Variants in PDCL observed in about 807,000 individuals in gnomAD.
The protein encoded by PDCL is phosducin like.
In PDCL, 11 loss-of-function variants were observed where a neutral mutation model predicts 26.7. The observed-to-expected ratio is 0.41, with a 90% confidence interval of 0.26 to 0.68. PDCL has a LOEUF of 0.68. Ranked by LOEUF, PDCL falls within the 30% of genes least tolerant of loss-of-function variation. The pLI is 0.30. For synonymous variants in PDCL, 118 were observed against 134.9 expected (o/e 0.87, Z 0.87); for missense variants, 330 against 371.6 (o/e 0.89, Z 0.92).
Position 122,818,517 on chromosome 9 carries a change from T to G in PDCL, c.*1568A>C, listed in dbSNP as rs1588033847. 6.6e-6 allele frequency: 1 copy of G among 151,992 alleles called. No individual in the cohort carries two copies. Among genetic ancestry groups the G allele is most frequent in the Non-Finnish European group, 1.5e-5 (1 of 67,994 alleles). The allele number at this position is 151,992 out of a possible 1,614,324, so 9.4% of individuals were successfully genotyped here. A position where few individuals can be genotyped will look rare whatever the true frequency, so the allele number is the denominator to read the frequency against. On this transcript the variant is annotated 3_prime_UTR_variant, in exon 4 of 4. Coordinates refer to ENST00000259467, the MANE Select transcript of PDCL (RefSeq NM_005388.5). ...AGCTAGACTAACAATACTTCCCTGC[T>G]TCTAATAATTTTCAATACATTCCAC...
At chr9:122,825,890 C>G (rs1457020278) in intron 2 of PDCL, among the ~76,000 whole-genome samples, 1 of 152,104 alleles carries the variant, frequency 6.6e-6, no homozygotes, top group Non-Finnish European at 1.5e-5. Context: ...GACCCCATCT[C>G]TACAAAAAAT....
intron 2 of PDCL, among the ~76,000 whole-genome samples, chr9:122,825,078 C>G (rs1377341285): frequency 6.6e-6 from 1 of 152,066 alleles, no homozygotes; most frequent in Non-Finnish European, 1.5e-5. Flanking sequence ...CCCTACTGCA[C>G]CCTGCATCAA....
At chr9:122,821,423 C>A (rs1355522143) in intron 3 of PDCL, among the ~76,000 whole-genome samples, 1 of 152,072 alleles carries the variant, frequency 6.6e-6, no homozygotes, top group Non-Finnish European at 1.5e-5. Flanking sequence ...AACACACACA[C>A]ACACACAGAG....
intron 1 of PDCL, 46 bp from the exon 2 acceptor site, chr9:122,826,838 C>A: frequency 8.8e-6 from 14 of 1,585,990 alleles, no homozygotes; most frequent in Non-Finnish European, 1.2e-5. Flanking sequence ...TTGAGCCAGA[C>A]AGACATGAAT....
chr9:122,820,150 C>T lies in PDCL; in HGVS notation c.841G>A (p.Val281Met), dbSNP rs1829533518. The T allele has an allele frequency of 1.9e-6, 3 of 1,614,042 alleles. No homozygotes were observed. The highest frequency in any genetic ancestry group is 4.5e-5 in the East Asian group (2 of 44,900). Residue 281 changes from valine to methionine, a missense_variant, in exon 4 of 4, where the codon GTG becomes ATG. By Grantham distance (21) the Val-to-Met change is conservative. Transcript: ENST00000259467. ...FGLLPEKEVLVLTSVRNSATC... is the reference protein window; with the variant it reads ...FGLLPEKEVLMLTSVRNSATC... ...GCAGAGTTACGCACAGATGTCAGCA[C>T]CAAGACTTCCTTTTCTGGGAGTAAT...
chr9:122,823,770 A>ATTTT (rs5900545), intron 2 of PDCL, among the ~76,000 whole-genome samples: 26 of 137,242 alleles, frequency 1.9e-4, no homozygotes, highest in East Asian at 4.3e-4. Context: ...TATTATCTGA[A>ATTTT]TTTTTTTTTT....
At chr9:122,823,272 G>T in intron 2 of PDCL, 75 bp from the exon 3 acceptor site, 3 of 1,410,936 alleles carry the variant, frequency 2.1e-6, no homozygotes, top group Non-Finnish European at 3.0e-6. Flanking sequence ...CTGTAGGTAG[G>T]AGTTCACATC....
At chr9:122,821,929 C>CGTTG (rs1829559341) in intron 3 of PDCL, among the ~76,000 whole-genome samples, 1 of 152,032 alleles carries the variant, frequency 6.6e-6, no homozygotes, top group African/African-American at 2.4e-5. Flanking sequence ...GATCAGAACA[C>CGTTG]GTTGTTACTT....
Position 122,823,195 on chromosome 9 carries a change from G to A in PDCL, c.175C>T (p.Pro59Ser). The A allele has an allele frequency of 6.2e-7, 1 of 1,613,874 alleles. No individual in the cohort carries two copies. Among genetic ancestry groups the A allele is most frequent in the Non-Finnish European group, 8.5e-7 (1 of 1,179,992 alleles). ...AGEGISVNTG[P>S]KGVINDWRRF... is the part of the protein sequence containing the mutation. ...CGCCAGTCATTGATCACACCTTTTG[G>A]GCCTGAGTAGGGTGAACACGGATGT... The change falls in exon 3 of 4, where the codon CCA becomes TCA. Residue 59 changes from proline (P) to serine (S), a missense_variant and splice_region_variant. Physicochemically the swap from Pro to Ser is moderately conservative, Grantham distance 74. Coordinates refer to ENST00000259467, the MANE Select transcript of PDCL (RefSeq NM_005388.5).
chr9:122,821,917 T>G (rs368510300), intron 3 of PDCL, among the ~76,000 whole-genome samples: 56 of 152,222 alleles, frequency 3.7e-4, no homozygotes, highest in African/African-American at 1.3e-3. Flanking sequence ...GAGATCACAC[T>G]AGATCAGAAC....
rs1365768055 is a variant in PDCL at position 122,820,262 on chromosome 9, T to A, written c.729A>T (p.Glu243Asp). ...LPALLIYKGG[E>D]LIGNFVRVTD... ...TAACACGAACAAAATTGCCGATCAA[T>A]TCACCCCCCTTATAGATCAGCAGGG... is the stretch of plus-strand genomic sequence containing the variant. Residue 243 changes from glutamate to aspartate, a missense_variant, in exon 4 of 4, where the codon GAA (glutamate) becomes GAT (aspartate). Glu to Asp is a conservative substitution (Grantham distance 45). Coordinates refer to ENST00000259467, the MANE Select transcript of PDCL (RefSeq NM_005388.5). 6.2e-7 allele frequency: 1 copy of A among 1,614,124 alleles called. No individual in the cohort carries two copies. The highest frequency in any genetic ancestry group is 2.2e-5 in the East Asian group (1 of 44,878).
At chr9:122,820,989 C>A (rs1461591431) in intron 3 of PDCL, among the ~76,000 whole-genome samples, 1 of 151,564 alleles carries the variant, frequency 6.6e-6, no homozygotes, top group African/African-American at 2.4e-5. Context: ...CAGGGTGATA[C>A]CCTGTCTCCA....
chr9:122,824,680 T>C (rs1409101941), intron 2 of PDCL, among the ~76,000 whole-genome samples: 2 of 152,214 alleles, frequency 1.3e-5, no homozygotes, highest in East Asian at 1.9e-4. Context: ...CAATACCATG[T>C]TCCTGAACAG....
At chr9:122,822,992 A>G in intron 3 of PDCL, 24 bp downstream of exon 3, 1 of 1,605,480 alleles carries the variant, frequency 6.2e-7, no homozygotes, top group Non-Finnish European at 8.5e-7. Flanking sequence ...AGACTCTAAG[A>G]AAAGCCTGAG....
chr9:122,824,268 G>A (rs968780152), intron 2 of PDCL, among the ~76,000 whole-genome samples: 1 of 152,164 alleles, frequency 6.6e-6, no homozygotes. Flanking sequence ...TTGACTATGC[G>A]ACTTGCTGGC....
intron 3 of PDCL, 142 bp from the exon 4 acceptor site, chr9:122,820,778 G>T: frequency 2.5e-5 from 13 of 522,560 alleles, no homozygotes; most frequent in Admixed American, 6.2e-5. Context: ...GAGGTCAGGA[G>T]TTCAAGACCA....
rs770189511 is a variant in PDCL at position 122,826,642 on chromosome 9, G to A, written c.146C>T (p.Ala49Val). 2 of 1,614,090 alleles carry A rather than the reference G, an allele frequency of 1.2e-6. No individual in the cohort carries two copies. Among genetic ancestry groups the A allele is most frequent in the Non-Finnish European group, 1.7e-6 (2 of 1,179,986 alleles). ...SSSVPAEAEL[A>V]GEGISVNTGP... is the part of the protein sequence containing the mutation. ...TGTGTTAACTGAGATGCCTTCGCCTGCCAGCTCAGCCTCTGCAGGCACAGA... is the reference window on the plus strand; with the variant it reads ...TGTGTTAACTGAGATGCCTTCGCCTACCAGCTCAGCCTCTGCAGGCACAGA... The change falls in exon 2 of 4, where the codon GCA (alanine) becomes GTA (valine). Residue 49 changes from alanine (A) to valine (V), a missense_variant. Ala to Val is a moderately conservative substitution (Grantham distance 64, BLOSUM62 0). Coordinates refer to ENST00000259467, the MANE Select transcript of PDCL (RefSeq NM_005388.5).
chr9:122,825,937 TGTGGTCCCAGCTACAC>T (rs1490193775), intron 2 of PDCL, among the ~76,000 whole-genome samples: 1 of 152,090 alleles, frequency 6.6e-6, no homozygotes, highest in Non-Finnish European at 1.5e-5. Flanking sequence ...GGCAAGCGCC[TGTGGTCCCAGCTACAC>T]GTGGTCCCAG....
rs1367547384 is a variant in PDCL, at chr9:122,818,850, G to T, written c.*1235C>A. On this transcript the variant is annotated 3_prime_UTR_variant, in exon 4 of 4. Transcript: ENST00000259467. ...TAATTTTGGTTGGTGGAATTATATG[G>T]CTTTTAAGTCTTAACAGTGTTTATT... is the stretch of plus-strand genomic sequence containing the variant. 1 of 152,006 alleles carries T rather than the reference G, an allele frequency of 6.6e-6. No homozygotes were observed. Among genetic ancestry groups the T allele is most frequent in the Admixed American group, 6.6e-5 (1 of 15,266 alleles). 9.4% of individuals were successfully genotyped at this position (152,006 alleles called of 1,614,324 possible).
Sources: allele counts gnomAD v4.1 joint callset (sites outside exome capture counted in the v4.1 genomes callset), GRCh38; gene constraint gnomAD v4.1.1; transcripts MANE v1.5; gene names NCBI Gene and HGNC (gene_info 2026-07-23, HGNC 2026-07-21).